The following SND1 variants were observed in gnomAD, a reference collection of about 807,000 sequenced individuals.
SND1 encodes staphylococcal nuclease domain-containing protein 1.
Under a neutral mutation model 121.7 loss-of-function variants are expected in SND1, and 38 were observed. That is an observed-to-expected ratio of 0.31 (90% CI 0.24 to 0.41). SND1 has a LOEUF of 0.41. Ranked by LOEUF, SND1 falls within the 10% of genes least tolerant of loss-of-function variation. The pLI is 1.00. For synonymous variants in SND1, 401 were observed against 447.4 expected, an observed-to-expected ratio of 0.90 and a Z score of 1.31; for missense variants, 868 against 1,184.6, an observed-to-expected ratio of 0.73 and a Z score of 3.92.
intron 10 of SND1, among the ~76,000 whole-genome samples, chr7:127,764,056 A>AACC (rs1554422861): frequency 7.4e-6 from 1 of 135,218 alleles, no homozygotes; most frequent in Admixed American, 8.0e-5. Flanking sequence ...AAAAAAACAA[A>AACC]AAAACAAAAA....
rs544406514 is a variant in SND1, at chr7:127,880,568, C to T, written c.1344-7334C>T. 2.3e-4 allele frequency among the ~76,000 whole-genome samples: 35 copies of T among 152,154 alleles called. No homozygotes were observed. In the Middle Eastern group the frequency reaches 0.01, roughly 44 times the overall value. On this transcript the variant is annotated intron_variant, in intron 12 of 23. Coordinates refer to ENST00000354725, the MANE Select transcript of SND1 (RefSeq NM_014390.4). ...ATGTGTTTACCTTAAGGAAAATATT[C>T]GGCTTTTCTGATCTCCATGGATGCC... is the stretch of plus-strand genomic sequence containing the variant.
intron 12 of SND1, among the ~76,000 whole-genome samples, chr7:127,854,787 G>A (rs1799241682): frequency 6.6e-6 from 1 of 151,950 alleles, no homozygotes; most frequent in African/African-American, 2.4e-5. Flanking sequence ...GGTCAGCACA[G>A]CACTAAGTGT....
chr7:128,069,171 C>A (rs895811144), intron 16 of SND1, among the ~76,000 whole-genome samples: 3 of 152,210 alleles, frequency 2.0e-5, no homozygotes, highest in Non-Finnish European at 4.4e-5. Context: ...TGGGAGGACT[C>A]CCCGGGTGTA....
chr7:127,975,263 C>T (rs1357802670), intron 15 of SND1, among the ~76,000 whole-genome samples: 1 of 152,162 alleles, frequency 6.6e-6, no homozygotes, highest in East Asian at 1.9e-4. Context: ...CACTTGTTTA[C>T]ACCCCAGTAT....
chr7:127,799,874 G>C (rs1798097131), intron 10 of SND1, among the ~76,000 whole-genome samples: 2 of 152,124 alleles, frequency 1.3e-5, no homozygotes, highest in African/African-American at 4.8e-5. Flanking sequence ...TTCTGTGTAT[G>C]GTCCTTTAGG....
At chr7:127,661,622 GAA>G (rs1795312740) in intron 1 of SND1, among the ~76,000 whole-genome samples, 1 of 152,022 alleles carries the variant, frequency 6.6e-6, no homozygotes. Context: ...CAGGTCTTAC[GAA>G]GTCCTTATGA....
intron 3 of SND1, among the ~76,000 whole-genome samples, chr7:127,696,671 T>C (rs1418290444): frequency 6.6e-6 from 1 of 152,214 alleles, no homozygotes; most frequent in Admixed American, 6.5e-5. Flanking sequence ...CCCCTAAGAG[T>C]TCATTTTAAT....
intron 15 of SND1, among the ~76,000 whole-genome samples, chr7:127,981,586 A>C (rs1461138605): frequency 6.6e-6 from 1 of 152,148 alleles, no homozygotes; most frequent in Non-Finnish European, 1.5e-5. Context: ...AATGGGGAGA[A>C]TTATAAAAGG....
intron 9 of SND1, among the ~76,000 whole-genome samples, chr7:127,709,697 C>T (rs925495367): frequency 2.0e-5 from 3 of 152,068 alleles, no homozygotes; most frequent in Non-Finnish European, 4.4e-5. Flanking sequence ...TTTATCATGA[C>T]AATGAAGTTT....
chr7:127,689,048 A>G (rs73723037), intron 2 of SND1, among the ~76,000 whole-genome samples: 2,597 of 152,340 alleles, frequency 0.017, 92 homozygotes, highest in African/African-American at 0.059. Flanking sequence ...AAATTTAAGT[A>G]GATTAAAATC....
chr7:127,915,996 A>ATGTGTGTGTG (rs57570326), intron 14 of SND1, among the ~76,000 whole-genome samples: 3 of 149,026 alleles, frequency 2.0e-5, no homozygotes, highest in Non-Finnish European at 3.0e-5. Flanking sequence ...AGAACAGCAT[A>ATGTGTGTGTG]TGTGTGTGTG....
intron 16 of SND1, among the ~76,000 whole-genome samples, chr7:128,003,528 C>T (rs1191680617): frequency 6.6e-6 from 1 of 152,178 alleles, no homozygotes; most frequent in Non-Finnish European, 1.5e-5. Flanking sequence ...CAACAGGTCC[C>T]TCCATTCCCC....
chr7:127,751,621 C>T (rs1479318389), intron 10 of SND1, among the ~76,000 whole-genome samples: 1 of 152,228 alleles, frequency 6.6e-6, no homozygotes, highest in East Asian at 1.9e-4. Context: ...GAGAGACAGG[C>T]CTCAGTGTCC....
At chr7:127,736,638 G>A (rs1796780997) in intron 10 of SND1, among the ~76,000 whole-genome samples, 1 of 152,190 alleles carries the variant, frequency 6.6e-6, no homozygotes, top group East Asian at 1.9e-4. Flanking sequence ...TGTTCCCAGA[G>A]GGGCTGATAT....
intron 1 of SND1, chr7:127,679,265 G>A (rs1039141622): frequency 3.3e-5 from 5 of 152,048 alleles, no homozygotes; most frequent in African/African-American, 1.2e-4. Context: ...CCGCTTCTGG[G>A]GTGAGTCACC....
chr7:127,752,423 A>G (rs1354403209), intron 10 of SND1, among the ~76,000 whole-genome samples: 1 of 152,168 alleles, frequency 6.6e-6, no homozygotes, highest in Non-Finnish European at 1.5e-5. Context: ...GAATATGGCC[A>G]CTTTTCTTCG....
chr7:127,970,460 A>G (rs938472914), intron 15 of SND1, among the ~76,000 whole-genome samples: 4 of 152,200 alleles, frequency 2.6e-5, no homozygotes, highest in Non-Finnish European at 2.9e-5. Context: ...TGATTCTGTG[A>G]ATGCTTAGGT....
At chr7:127,661,395 T>A (rs1039826527) in intron 1 of SND1, among the ~76,000 whole-genome samples, 19 of 152,236 alleles carry the variant, frequency 1.2e-4, no homozygotes, top group Non-Finnish European at 4.4e-5. Flanking sequence ...ATTATTTCAA[T>A]GGAAGTCTTT....
chr7:127,687,955 G>A (rs1795844948), intron 2 of SND1, among the ~76,000 whole-genome samples: 1 of 152,036 alleles, frequency 6.6e-6, no homozygotes, highest in Non-Finnish European at 1.5e-5. Flanking sequence ...AAAGTACTGG[G>A]ATTACAGGTG....
Sources: gnomAD v4.1 joint callset for allele counts (sites outside exome capture counted in the v4.1 genomes callset) on GRCh38, gnomAD v4.1.1 for gene constraint, MANE v1.5 for transcripts, NCBI Gene and HGNC (gene_info 2026-07-23, HGNC 2026-07-21) for gene names.